Variants in SGCZ observed in about 807,000 individuals in gnomAD.
The protein encoded by SGCZ is zeta-sarcoglycan.
Under a neutral mutation model 41.3 loss-of-function variants are expected in SGCZ, and 40 were observed. The observed-to-expected ratio is 0.97, with a 90% CI of 0.75 to 1.26. SGCZ has a LOEUF of 1.26. SGCZ is among the 50% of genes most tolerant of loss of function. SGCZ has a pLI of 0.00. For missense variants in SGCZ, 552 were observed against 369.8 expected (o/e 1.49, Z -4.04); for synonymous variants, 206 against 137.5 (o/e 1.50, Z -3.49).
chr8:14,626,808 T>G (rs1435808239), intron 1 of SGCZ, among the ~76,000 whole-genome samples: 1 of 152,184 alleles, frequency 6.6e-6, no homozygotes, highest in Non-Finnish European at 1.5e-5. Flanking sequence ...AATTTACATT[T>G]CTAGTCACCA....
At chr8:14,945,358 T>C (rs1287245226) in intron 1 of SGCZ, among the ~76,000 whole-genome samples, 1 of 152,138 alleles carries the variant, frequency 6.6e-6, no homozygotes, top group African/African-American at 2.4e-5. Flanking sequence ...ATCTCACACC[T>C]TGTGTGAGAT....
chr8:14,299,542 T>G (rs1563243658), intron 3 of SGCZ, among the ~76,000 whole-genome samples: 1 of 151,904 alleles, frequency 6.6e-6, no homozygotes, highest in African/African-American at 2.4e-5. Context: ...AAATGGCCAG[T>G]AAGCACATAA....
chr8:14,100,171 T>TTTG (rs1203773167), intron 7 of SGCZ, among the ~76,000 whole-genome samples: 1 of 151,986 alleles, frequency 6.6e-6, no homozygotes, highest in East Asian at 1.9e-4. Flanking sequence ...GTACTTTTAT[T>TTTG]TTGTTACTAT....
intron 1 of SGCZ, among the ~76,000 whole-genome samples, chr8:14,569,342 ATC>A (rs1487839862): frequency 2.0e-5 from 3 of 152,132 alleles, no homozygotes; most frequent in African/African-American, 7.2e-5. Flanking sequence ...TTTCACATAG[ATC>A]TCTTTGTGTG....
At chr8:14,513,484 A>C (rs1802523436) in intron 2 of SGCZ, among the ~76,000 whole-genome samples, 1 of 152,044 alleles carries the variant, frequency 6.6e-6, no homozygotes, top group African/African-American at 2.4e-5. Context: ...GTTATTTTAG[A>C]CCAATTGATT....
intron 1 of SGCZ, among the ~76,000 whole-genome samples, chr8:15,024,592 G>A (rs1377622140): frequency 6.6e-6 from 1 of 152,132 alleles, no homozygotes; most frequent in African/African-American, 2.4e-5. Flanking sequence ...AAAAAGTAGA[G>A]CAGTGTAACC....
intron 1 of SGCZ, among the ~76,000 whole-genome samples, chr8:14,711,107 T>C (rs1052796619): frequency 6.6e-6 from 1 of 152,170 alleles, no homozygotes; most frequent in African/African-American, 2.4e-5. Flanking sequence ...CACAATTACT[T>C]GTTAAGTATG....
At chr8:14,125,871 G>A (rs1022354702) in intron 5 of SGCZ, among the ~76,000 whole-genome samples, 1 of 152,144 alleles carries the variant, frequency 6.6e-6, no homozygotes, top group South Asian at 2.1e-4. Flanking sequence ...CAAGCAATGG[G>A]AAAAGGATTC....
At chr8:14,279,149 C>T (rs1281023497) in intron 3 of SGCZ, among the ~76,000 whole-genome samples, 1 of 151,918 alleles carries the variant, frequency 6.6e-6, no homozygotes, top group Non-Finnish European at 1.5e-5. Flanking sequence ...AGCTATGTGC[C>T]AGCACTTTAT....
chr8:14,230,503 G>A (rs1431040481), intron 4 of SGCZ, among the ~76,000 whole-genome samples: 3 of 152,010 alleles, frequency 2.0e-5, no homozygotes, highest in Admixed American at 6.6e-5. Context: ...GTCACATAGC[G>A]GGCAGTTGAC....
chr8:14,366,226 T>C (rs980016411), intron 2 of SGCZ, among the ~76,000 whole-genome samples: 5 of 152,116 alleles, frequency 3.3e-5, no homozygotes, highest in Non-Finnish European at 5.9e-5. Flanking sequence ...AAAAACAGTT[T>C]AATGGACTCA....
Position 15,233,329 on chromosome 8 carries a change from C to CAA in SGCZ, c.39+4254_39+4255dup, listed in dbSNP as rs967747755. On this transcript the variant is annotated intron_variant, in intron 1 of 7. Coordinates refer to ENST00000382080, the MANE Select transcript of SGCZ (RefSeq NM_139167.4). ...TGAGTGTCTTATTGATTAAACAAACCAAAAAAAAAAAAAAAAGAAAGAAAG... is the reference window on the plus strand; with the variant it reads ...TGAGTGTCTTATTGATTAAACAAACCAAAAAAAAAAAAAAAAAAGAAAGAAAG... Among the ~76,000 whole-genome samples, 7 of 65,718 alleles carry CAA rather than the reference C, an allele frequency of 1.1e-4. No homozygotes were observed. The South Asian group carries it at 1.8e-3, about 17-fold the overall frequency. The allele number at this position is 65,718 out of a possible 152,430, so 43.1% of individuals were successfully genotyped here. A position where few individuals can be genotyped will look rare whatever the true frequency, so the allele number is the denominator to read the frequency against.
At chr8:15,056,279 A>G (rs1208312381) in intron 1 of SGCZ, among the ~76,000 whole-genome samples, 1 of 152,182 alleles carries the variant, frequency 6.6e-6, no homozygotes, top group Non-Finnish European at 1.5e-5. Flanking sequence ...CTCTTTGCTG[A>G]CATAAGATAA....
In SGCZ at chr8:14,766,132, A is replaced by C. The variant is rs2252598; in HGVS notation, c.40-211206T>G. Among the ~76,000 whole-genome samples the C allele has an allele frequency of 4.6e-5, 7 of 152,052 alleles. No individual in the cohort carries two copies. In the East Asian group the frequency reaches 1.4e-3, roughly 30 times the overall value. On this transcript the variant is annotated intron_variant, in intron 1 of 7. Transcript: ENST00000382080. The stretch of plus-strand genomic sequence containing the variant: ...TATGTGCCACCACACCCAACTTTTT[A>C]ATATTTTTAGTAGAGACGGGTTTCA...
At chr8:15,083,147 C>G (rs910172073) in intron 1 of SGCZ, among the ~76,000 whole-genome samples, 1 of 152,074 alleles carries the variant, frequency 6.6e-6, no homozygotes, top group Non-Finnish European at 1.5e-5. Context: ...GACAGATGCC[C>G]AAGGAAATTG....
At chr8:15,000,902 C>T (rs991838907) in intron 1 of SGCZ, among the ~76,000 whole-genome samples, 1 of 152,200 alleles carries the variant, frequency 6.6e-6, no homozygotes, top group Non-Finnish European at 1.5e-5. Flanking sequence ...CCCCTTAACC[C>T]ACCCACATGT....
chr8:14,671,939 C>T (rs979643388), intron 1 of SGCZ, among the ~76,000 whole-genome samples: 10 of 152,004 alleles, frequency 6.6e-5, no homozygotes, highest in African/African-American at 2.4e-4. Flanking sequence ...TGCCATTTTG[C>T]CTTATTAATA....
intron 1 of SGCZ, among the ~76,000 whole-genome samples, chr8:14,968,740 A>G (rs1801198286): frequency 6.6e-6 from 1 of 152,132 alleles, no homozygotes; most frequent in African/African-American, 2.4e-5. Flanking sequence ...AAAGAAAATA[A>G]CTTCTTAATT....
At chr8:15,042,954 T>A (rs1371177060) in intron 1 of SGCZ, among the ~76,000 whole-genome samples, 3 of 152,194 alleles carry the variant, frequency 2.0e-5, no homozygotes, top group East Asian at 3.9e-4. Flanking sequence ...CATAATGCAG[T>A]CATAAACGGT....
Sources: allele counts gnomAD v4.1 joint callset (sites outside exome capture counted in the v4.1 genomes callset), GRCh38; gene constraint gnomAD v4.1.1; transcripts MANE v1.5; gene names NCBI Gene and HGNC (gene_info 2026-07-23, HGNC 2026-07-21).